Variants in KCNN3 observed in about 807,000 individuals in gnomAD.
KCNN3 encodes the protein small conductance calcium-activated potassium channel protein 3.
A neutral mutation model predicts 62.9 loss-of-function variants in KCNN3; 16 were observed. The observed-to-expected ratio is 0.25, with a 90% CI of 0.17 to 0.39. The LOEUF (loss-of-function observed/expected upper bound fraction) is 0.39. Ranked by LOEUF, KCNN3 falls within the 10% of genes least tolerant of loss-of-function variation. The pLI, the probability that KCNN3 is intolerant of heterozygous loss-of-function variation, is 1.00. For missense variants in KCNN3, 599 were observed against 949.4 expected (o/e 0.63, Z 4.85); for synonymous variants, 370 against 389.2 (o/e 0.95, Z 0.58).
chr1:154,867,311 G>A (rs1396264230), intron 1 of KCNN3, among the ~76,000 whole-genome samples: 1 of 152,208 alleles, frequency 6.6e-6, no homozygotes, highest in Non-Finnish European at 1.5e-5. Context: ...GACTAAGTGA[G>A]CTGCGCTTCC....
At chr1:154,851,722 C>A (rs1426685576) in intron 1 of KCNN3, among the ~76,000 whole-genome samples, 1 of 152,212 alleles carries the variant, frequency 6.6e-6, no homozygotes, top group Admixed American at 6.5e-5. Context: ...CAGGTCCAAA[C>A]CATCACCACC....
chr1:154,838,205 T>C (rs1651679374), intron 1 of KCNN3, among the ~76,000 whole-genome samples: 1 of 152,052 alleles, frequency 6.6e-6, no homozygotes, highest in Non-Finnish European at 1.5e-5. Context: ...CCTTAGAGTC[T>C]TTGCATCTTA....
intron 5 of KCNN3, among the ~76,000 whole-genome samples, chr1:154,722,208 G>A (rs770635364): frequency 6.6e-5 from 10 of 151,678 alleles, no homozygotes; most frequent in Admixed American, 1.3e-4. Context: ...TCCTTTTTTC[G>A]TTTTGCGTAG....
intron 2 of KCNN3, among the ~76,000 whole-genome samples, chr1:154,797,116 T>C (rs1024495367): frequency 3.9e-5 from 6 of 152,190 alleles, no homozygotes; most frequent in African/African-American, 1.4e-4. Flanking sequence ...CCATCTAGAA[T>C]ATCCACCTCG....
chr1:154,869,597 G>T lies in KCNN3; in HGVS notation c.368C>A (p.Ser123Tyr). Reference sequence around the variant, plus strand: ...ATTGAGCTGGCTGCCTTGCCTGGAGGAAGGGTGGAGGATGGCGGTGGAGTT... The same window carrying T: ...ATTGAGCTGGCTGCCTTGCCTGGAGTAAGGGTGGAGGATGGCGGTGGAGTT... ...SSNSTAILHP[S>Y]SRQGSQLNLN... The change falls in exon 1 of 8, where the codon TCC becomes TAC. Residue 123 changes from serine (S) to tyrosine (Y), a missense_variant. Coordinates refer to ENST00000271915, the MANE Select transcript of KCNN3 (RefSeq NM_002249.6). This position sits in a 1 kb window ranked among gnomAD's most constrained non-coding sequence, Gnocchi z 6.1. 6.2e-7 allele frequency: 1 copy of T among 1,614,134 alleles called. No homozygotes were observed. Among genetic ancestry groups the T allele is most frequent in the Non-Finnish European group, 8.5e-7 (1 of 1,180,022 alleles).
intron 2 of KCNN3, among the ~76,000 whole-genome samples, chr1:154,812,025 G>C (rs369508783): frequency 1.2e-4 from 19 of 152,256 alleles, no homozygotes; most frequent in African/African-American, 4.6e-4. Flanking sequence ...GTGTGCACTG[G>C]CCCCCCTGCG....
intron 2 of KCNN3, among the ~76,000 whole-genome samples, chr1:154,801,217 G>A (rs747302921): frequency 2.0e-5 from 3 of 152,126 alleles, no homozygotes; most frequent in Non-Finnish European, 2.9e-5. Context: ...ACTGTCCCCA[G>A]CTAAAGGGAA....
chr1:154,861,430 C>T (rs771803427), intron 1 of KCNN3, among the ~76,000 whole-genome samples: 4 of 152,120 alleles, frequency 2.6e-5, no homozygotes, highest in Non-Finnish European at 2.9e-5. Flanking sequence ...CCTCTCCAGA[C>T]GAGACAGTCT....
At chr1:154,713,578 A>G in intron 6 of KCNN3, 45 bp from the exon 7 acceptor site, 2 of 1,523,286 alleles carry the variant, frequency 1.3e-6, no homozygotes, top group Non-Finnish European at 1.8e-6. Flanking sequence ...AGTCCATGCA[A>G]AGGTTTAGCC....
chr1:154,842,629 ACC>A (rs745306692), intron 1 of KCNN3, among the ~76,000 whole-genome samples: 1,259 of 42,004 alleles, frequency 0.03, 9 homozygotes, highest in African/African-American at 0.076. Context: ...TCATTCAGGG[ACC>A]CCCCCCCCGC....
chr1:154,856,641 G>A (rs1269597698), intron 1 of KCNN3, among the ~76,000 whole-genome samples: 1 of 152,144 alleles, frequency 6.6e-6, no homozygotes, highest in Non-Finnish European at 1.5e-5. Context: ...CAGAAACCAT[G>A]TCCTCTGCCT....
intron 2 of KCNN3, among the ~76,000 whole-genome samples, chr1:154,821,767 A>G (rs1023038656): frequency 1.3e-5 from 2 of 152,246 alleles, no homozygotes; most frequent in Admixed American, 6.5e-5. Context: ...AGAGCAATGC[A>G]TCAGGGGCTC....
At chr1:154,867,728 A>G (rs1170498276) in intron 1 of KCNN3, among the ~76,000 whole-genome samples, 1 of 5,386 alleles carries the variant, frequency 1.9e-4, no homozygotes, top group Non-Finnish European at 4.4e-4. Flanking sequence ...CCACCCCCCC[A>G]CCAAGCCACC....
intron 3 of KCNN3, among the ~76,000 whole-genome samples, chr1:154,742,268 G>A (rs1700836722): frequency 6.6e-6 from 1 of 152,176 alleles, no homozygotes; most frequent in African/African-American, 2.4e-5. Flanking sequence ...CTTTGCCTGT[G>A]TCTCCCACAC....
chr1:154,737,376 G>A (rs1390676611), intron 3 of KCNN3, among the ~76,000 whole-genome samples: 1 of 152,138 alleles, frequency 6.6e-6, no homozygotes, highest in Non-Finnish European at 1.5e-5. Context: ...ACAAAAGACT[G>A]TATGACTTGG....
chr1:154,819,001 A>G (rs1288204470), intron 2 of KCNN3, among the ~76,000 whole-genome samples: 1 of 152,226 alleles, frequency 6.6e-6, no homozygotes, highest in Non-Finnish European at 1.5e-5. Context: ...ACCACTGTGG[A>G]TGAGGAAAGC....
chr1:154,733,250 G>C (rs1700636732), intron 3 of KCNN3, 106 bp from the exon 4 acceptor site: 6 of 1,194,378 alleles, frequency 5.0e-6, no homozygotes, highest in African/African-American at 1.5e-5. Context: ...TGCTGAGGAA[G>C]AGGCAGCAGT....
chr1:154,747,501 AT>A (rs1233208478), intron 3 of KCNN3, among the ~76,000 whole-genome samples: 51 of 151,868 alleles, frequency 3.4e-4, no homozygotes, highest in Admixed American at 3.3e-3. Context: ...TGAACGATTT[AT>A]TTTTTTTGTT....
rs7546820 is a variant in KCNN3 at position 154,818,046 on chromosome 1, C to T, written c.1029+4043G>A. Reference sequence around the variant, plus strand: ...GCTAAACCACAGAAGTAAATGGACTCTCCAAGGGAGAGCATGGTTTTCAGT... The same window carrying T: ...GCTAAACCACAGAAGTAAATGGACTTTCCAAGGGAGAGCATGGTTTTCAGT... On this transcript the variant is annotated intron_variant, in intron 2 of 7. Transcript: ENST00000271915. Among the ~76,000 whole-genome samples, 600 of 152,280 alleles carry T rather than the reference C, an allele frequency of 3.9e-3. 2 individuals are homozygous for T. The highest frequency in any genetic ancestry group is 0.014 in the African/African-American group (576 of 41,538).
Sources: allele counts gnomAD v4.1 joint callset (sites outside exome capture counted in the v4.1 genomes callset), GRCh38; gene constraint gnomAD v4.1.1; non-coding constraint Gnocchi (gnomAD v3.1); transcripts MANE v1.5; gene names NCBI Gene and HGNC (gene_info 2026-07-23, HGNC 2026-07-21).